The following DLGAP2 variants were observed in gnomAD, a reference collection of about 807,000 sequenced individuals.
DLGAP2 encodes the protein DLG associated protein 2, also known as disks large-associated protein 2.
DLGAP2 carries 26 observed loss-of-function variants against 100.3 expected under a neutral mutation model. That is an observed-to-expected ratio of 0.26 (90% confidence interval 0.19 to 0.36). The LOEUF (loss-of-function observed/expected upper bound fraction) is 0.36. Ranked by LOEUF, DLGAP2 falls within the 10% of genes least tolerant of loss-of-function variation. The pLI is 1.00. For synonymous variants in DLGAP2, 886 were observed against 630.1 expected (o/e 1.41, Z -6.08); for missense variants, 1,858 against 1,453.2 (o/e 1.28, Z -4.53).
chr8:952,615 T>A (rs1298888294), intron 2 of DLGAP2, among the ~76,000 whole-genome samples: 1 of 152,050 alleles, frequency 6.6e-6, no homozygotes, highest in Non-Finnish European at 1.5e-5. Flanking sequence ...CCAGCCTGGG[T>A]GACAGTGTGA....
intron 2 of DLGAP2, among the ~76,000 whole-genome samples, chr8:1,091,368 G>C (rs1804175733): frequency 6.6e-6 from 1 of 152,226 alleles, no homozygotes; most frequent in Non-Finnish European, 1.5e-5. Flanking sequence ...CGAAGGACAT[G>C]GGGGAGGCCA....
intron 2 of DLGAP2, among the ~76,000 whole-genome samples, chr8:1,095,361 C>G (rs1334081362): frequency 6.6e-6 from 1 of 152,216 alleles, no homozygotes; most frequent in Non-Finnish European, 1.5e-5. Flanking sequence ...CGAGGCTGGT[C>G]CCACCCCTGT....
rs115570344 is a variant in DLGAP2, at chr8:1,123,627, C to T, written c.74-135224C>T. Among the ~76,000 whole-genome samples, 1,068 of 150,962 alleles carry T rather than the reference C, an allele frequency of 7.1e-3. 12 individuals carry two copies. The highest frequency in any genetic ancestry group is 0.024 in the African/African-American group (998 of 41,480). On this transcript the variant is annotated intron_variant, in intron 2 of 14. Coordinates refer to ENST00000637795, the MANE Select transcript of DLGAP2 (RefSeq NM_001346810.2). Reference sequence around the variant, plus strand: ...TCAAATAATGTGTAATTTATCTTTCCTTTATTCCTAAGGGAAAAAAAGAAA... The same window carrying T: ...TCAAATAATGTGTAATTTATCTTTCTTTTATTCCTAAGGGAAAAAAAGAAA...
intron 2 of DLGAP2, among the ~76,000 whole-genome samples, chr8:949,765 A>T (rs989770298): frequency 6.6e-6 from 1 of 152,110 alleles, no homozygotes; most frequent in African/African-American, 2.4e-5. Context: ...CAGAGAGTAG[A>T]GCTAAGAGGC....
At chr8:1,242,248 G>T (rs951493009) in intron 2 of DLGAP2, among the ~76,000 whole-genome samples, 4 of 152,216 alleles carry the variant, frequency 2.6e-5, no homozygotes, top group Non-Finnish European at 5.9e-5. Context: ...GTTTGTGGAA[G>T]AGGGGAGGTC....
At chr8:1,521,112 G>T (rs1204279578) in intron 4 of DLGAP2, among the ~76,000 whole-genome samples, 2 of 151,920 alleles carry the variant, frequency 1.3e-5, no homozygotes, top group Non-Finnish European at 2.9e-5. Context: ...GGTGATATGG[G>T]GCGTCTGGTT....
chr8:1,387,064 T>C (rs1796237685), intron 3 of DLGAP2, among the ~76,000 whole-genome samples: 1 of 152,156 alleles, frequency 6.6e-6, no homozygotes, highest in South Asian at 2.1e-4. Context: ...GGGAACTAGA[T>C]AACGGCATGT....
chr8:861,542 A>T (rs916263608), intron 1 of DLGAP2, among the ~76,000 whole-genome samples: 1 of 152,230 alleles, frequency 6.6e-6, no homozygotes, highest in Non-Finnish European at 1.5e-5. Context: ...TTGTCGAATG[A>T]TAGAATAAAT....
intron 1 of DLGAP2, among the ~76,000 whole-genome samples, chr8:782,451 A>G (rs1004374775): frequency 5.9e-5 from 9 of 152,202 alleles, no homozygotes; most frequent in Non-Finnish European, 2.9e-5. Context: ...ATAATGTTAG[A>G]TATTCCATGC....
intron 2 of DLGAP2, among the ~76,000 whole-genome samples, chr8:995,180 G>T (rs1037961083): frequency 6.6e-6 from 1 of 152,080 alleles, no homozygotes; most frequent in African/African-American, 2.4e-5. Flanking sequence ...ACATTATACT[G>T]TATAAAGCAG....
chr8:1,194,321 G>A (rs1452556304), intron 2 of DLGAP2, among the ~76,000 whole-genome samples: 2 of 152,088 alleles, frequency 1.3e-5, no homozygotes, highest in African/African-American at 2.4e-5. Context: ...GCCGCGTCCC[G>A]GCTGGTGGAG....
intron 2 of DLGAP2, among the ~76,000 whole-genome samples, chr8:1,253,880 G>C (rs571578233): frequency 6.6e-6 from 1 of 152,350 alleles, no homozygotes; most frequent in South Asian, 2.1e-4. Flanking sequence ...CTGTGAGTAC[G>C]CTTGCTGTGT....
At chr8:1,438,583 T>C (rs1360296329) in intron 3 of DLGAP2, among the ~76,000 whole-genome samples, 1 of 152,212 alleles carries the variant, frequency 6.6e-6, no homozygotes, top group Non-Finnish European at 1.5e-5. Flanking sequence ...CGAAAATATT[T>C]TAGTGAAACT....
chr8:851,111 G>C (rs752605525), intron 1 of DLGAP2, among the ~76,000 whole-genome samples: 15 of 152,210 alleles, frequency 9.9e-5, no homozygotes, highest in Non-Finnish European at 7.3e-5. Context: ...GGTGTTTGCT[G>C]TTGAGAGAAG....
intron 1 of DLGAP2, among the ~76,000 whole-genome samples, chr8:854,204 G>A (rs1206264636): frequency 1.3e-5 from 2 of 152,206 alleles, no homozygotes; most frequent in Non-Finnish European, 2.9e-5. Context: ...GCACAGCAGA[G>A]GGGACTTGGG....
intron 1 of DLGAP2, among the ~76,000 whole-genome samples, chr8:863,918 G>T (rs986652482): frequency 6.6e-6 from 1 of 152,104 alleles, no homozygotes; most frequent in Non-Finnish European, 1.5e-5. Flanking sequence ...GTCCATTGCG[G>T]CACCCTTCCC....
At chr8:808,311 A>G (rs1796306893) in intron 1 of DLGAP2, among the ~76,000 whole-genome samples, 1 of 152,184 alleles carries the variant, frequency 6.6e-6, no homozygotes, top group African/African-American at 2.4e-5. Context: ...GCACCACGCC[A>G]GGAGAGTGAT....
intron 3 of DLGAP2, among the ~76,000 whole-genome samples, chr8:1,364,920 C>G (rs1461231422): frequency 6.6e-6 from 1 of 152,162 alleles, no homozygotes; most frequent in African/African-American, 2.4e-5. Flanking sequence ...AAACTTGGAA[C>G]AGCAGCGAAG....
At chr8:1,353,204 T>G (rs760838016) in intron 3 of DLGAP2, among the ~76,000 whole-genome samples, 1 of 152,200 alleles carries the variant, frequency 6.6e-6, no homozygotes, top group Non-Finnish European at 1.5e-5. Context: ...CTGCATTAGC[T>G]TCCTTCCATC....
Sources: gnomAD v4.1 joint callset for allele counts (sites outside exome capture counted in the v4.1 genomes callset) on GRCh38, gnomAD v4.1.1 for gene constraint, MANE v1.5 for transcripts, NCBI Gene and HGNC (gene_info 2026-07-23, HGNC 2026-07-21) for gene names.